PTPRQ: variants seen among roughly 807,000 people sequenced by gnomAD.
PTPRQ encodes protein tyrosine phosphatase receptor type Q, also known as phosphatidylinositol phosphatase PTPRQ.
Under a neutral mutation model 246.0 loss-of-function variants are expected in PTPRQ, and 199 were observed. That is an observed-to-expected ratio of 0.81 (90% CI 0.72 to 0.91). PTPRQ has a LOEUF of 0.91. Among genes scored for constraint, PTPRQ ranks in the 40% least tolerant of loss-of-function variants. The pLI is 0.00. For synonymous variants in PTPRQ, 869 were observed against 853.2 expected (o/e 1.02, Z -0.32); for missense variants, 2,624 against 2,528.4 (o/e 1.04, Z -0.81).
chr12:80,578,221 T>A (rs1159991714), intron 25 of PTPRQ, among the ~76,000 whole-genome samples: 1 of 68,064 alleles, frequency 1.5e-5, no homozygotes. Context: ...CCCTCCCCCC[T>A]CCCCCCACCC....
intron 12 of PTPRQ, 77 bp downstream of exon 12, chr12:80,495,448 C>T: frequency 1.4e-6 from 2 of 1,452,608 alleles, no homozygotes; most frequent in South Asian, 1.6e-5. Flanking sequence ...GCCCATCTCC[C>T]TGTGCCTTAT....
rs748391442 is a variant in PTPRQ at position 80,549,450 on chromosome 12, T to C, written c.4016-15T>C. On this transcript the variant is annotated splice_polypyrimidine_tract_variant and intron_variant, in intron 24 of 44. Coordinates refer to ENST00000644991, the MANE Select transcript of PTPRQ (RefSeq NM_001145026.2). ...TGTATACACTTTAACTTTGGGCATA[T>C]GTTTATCTCTTAAGTTCCAGATGTC... The C allele has an allele frequency of 1.0e-5, 16 of 1,531,664 alleles. No individual in the cohort carries two copies. In the South Asian group the frequency reaches 1.7e-4, roughly 17 times the overall value. 94.9% of individuals were successfully genotyped at this position (1,531,664 alleles called of 1,614,324 possible). A position where few individuals can be genotyped will look rare whatever the true frequency, so the allele number is the denominator to read the frequency against.
At position 80,547,553 on chromosome 12, in the gene PTPRQ, G is replaced by A. The variant is rs180703065; in HGVS notation, c.4015+856G>A. On this transcript the variant is annotated intron_variant, in intron 24 of 44. Coordinates refer to ENST00000644991, the MANE Select transcript of PTPRQ (RefSeq NM_001145026.2). ...TTATGGCTACCTGACACTGTTTTTC[G>A]TGCATTTCTGTAACAAATGCAAAAT... Among the ~76,000 whole-genome samples, 89 of 152,012 alleles carry A rather than the reference G, an allele frequency of 5.9e-4. No homozygotes were observed. The East Asian group carries it at 0.011, about 19-fold the overall frequency.
Position 80,624,896 on chromosome 12 carries a change from C to CA in PTPRQ, c.5686+2770dup, listed in dbSNP as rs989399979. Among the ~76,000 whole-genome samples, 10 of 151,710 alleles carry CA rather than the reference C, an allele frequency of 6.6e-5. No individual in the cohort carries two copies. The East Asian group carries it at 7.8e-4, about 12-fold the overall frequency. Reference sequence around the variant, plus strand: ...TCAACACTAACAATAGCCGATGAACCAAAAAAAATTGTAAAACCATATCCT... The same window carrying CA: ...TCAACACTAACAATAGCCGATGAACCAAAAAAAAATTGTAAAACCATATCCT... On this transcript the variant is annotated intron_variant, in intron 33 of 44. Coordinates refer to ENST00000644991, the MANE Select transcript of PTPRQ (RefSeq NM_001145026.2).
intron 26 of PTPRQ, among the ~76,000 whole-genome samples, chr12:80,601,255 C>G (rs1186925234): frequency 6.6e-6 from 1 of 151,724 alleles, no homozygotes; most frequent in Non-Finnish European, 1.5e-5. Flanking sequence ...ATTTGTCTCT[C>G]TCCATTAAAA....
intron 25 of PTPRQ, among the ~76,000 whole-genome samples, chr12:80,555,259 T>G (rs185050935): frequency 6.6e-6 from 1 of 152,266 alleles, no homozygotes; most frequent in Admixed American, 6.5e-5. Flanking sequence ...ATAGTCTCAC[T>G]ATGTTGCCCA....
At chr12:80,464,922 C>A (rs1321307479) in intron 6 of PTPRQ, among the ~76,000 whole-genome samples, 2 of 18,038 alleles carry the variant, frequency 1.1e-4, no homozygotes, top group Admixed American at 5.6e-4. Flanking sequence ...AAAACTGACA[C>A]CCTAACATCA....
rs1817298739 is a variant in PTPRQ at position 80,466,223 on chromosome 12, G to A, written c.911-2487G>A. ...CTTATACACCAACAACAGACAAACA[G>A]AGAGCCAAATCATGAGTGAACTCCC... is the stretch of plus-strand genomic sequence containing the variant. On this transcript the variant is annotated intron_variant, in intron 6 of 44. Coordinates refer to ENST00000644991, the MANE Select transcript of PTPRQ (RefSeq NM_001145026.2). Among the ~76,000 whole-genome samples, 4 of 152,096 alleles carry A rather than the reference G, an allele frequency of 2.6e-5. No individual in the cohort carries two copies. The South Asian group carries it at 6.2e-4, about 24-fold the overall frequency.
intron 25 of PTPRQ, among the ~76,000 whole-genome samples, chr12:80,572,124 T>G (rs896738031): frequency 6.6e-6 from 1 of 152,126 alleles, no homozygotes; most frequent in African/African-American, 2.4e-5. Context: ...CATCTATACA[T>G]GGGGAGAATT....
intron 25 of PTPRQ, among the ~76,000 whole-genome samples, chr12:80,562,303 G>A (rs1896850708): frequency 6.6e-6 from 1 of 152,098 alleles, no homozygotes; most frequent in African/African-American, 2.4e-5. Flanking sequence ...TACTAGCTGT[G>A]TGAAATGAAT....
intron 25 of PTPRQ, among the ~76,000 whole-genome samples, chr12:80,556,812 A>G (rs1425936055): frequency 1.3e-5 from 2 of 152,118 alleles, no homozygotes; most frequent in African/African-American, 4.8e-5. Flanking sequence ...GCAAGAGAAA[A>G]CACATAGTGG....
At chr12:80,608,253 G>C (rs17006953) in intron 27 of PTPRQ, among the ~76,000 whole-genome samples, 10,168 of 150,564 alleles carry the variant, frequency 0.068, 416 homozygotes, top group East Asian at 0.13. Flanking sequence ...TATAACAATA[G>C]ATTATCAAGT....
At chr12:80,510,803 A>G (rs907558849) in intron 17 of PTPRQ, among the ~76,000 whole-genome samples, 2 of 152,178 alleles carry the variant, frequency 1.3e-5, no homozygotes, top group Non-Finnish European at 2.9e-5. Flanking sequence ...TCCCTTGAGC[A>G]GAGTAATTTT....
intron 3 of PTPRQ, among the ~76,000 whole-genome samples, chr12:80,449,451 A>G (rs571929741): frequency 2.6e-5 from 4 of 152,286 alleles, no homozygotes; most frequent in South Asian, 2.1e-4. Context: ...GTCCTTGCCC[A>G]TGCCTATGTC....
intron 17 of PTPRQ, among the ~76,000 whole-genome samples, chr12:80,510,811 T>A (rs1895104289): frequency 6.6e-6 from 1 of 152,120 alleles, no homozygotes; most frequent in African/African-American, 2.4e-5. Flanking sequence ...GCAGAGTAAT[T>A]TTAATAAACA....
chr12:80,611,873 G>T (rs185240755), intron 28 of PTPRQ, among the ~76,000 whole-genome samples: 1 of 150,422 alleles, frequency 6.6e-6, no homozygotes, highest in Non-Finnish European at 1.5e-5. Context: ...TATCTCTCTT[G>T]AACCAACTTA....
At chr12:80,449,756 C>A (rs999179532) in intron 3 of PTPRQ, among the ~76,000 whole-genome samples, 1 of 152,086 alleles carries the variant, frequency 6.6e-6, no homozygotes, top group Non-Finnish European at 1.5e-5. Flanking sequence ...GGTACCAGTA[C>A]CATGCTGTTT....
At chr12:80,608,492 T>A (rs1302890562) in intron 27 of PTPRQ, among the ~76,000 whole-genome samples, 3 of 149,566 alleles carry the variant, frequency 2.0e-5, no homozygotes, top group African/African-American at 7.3e-5. Context: ...CCATGTCATA[T>A]TTTGCGACTT....
intron 9 of PTPRQ, among the ~76,000 whole-genome samples, chr12:80,489,370 T>C (rs1894375000): frequency 5.1e-5 from 2 of 38,904 alleles, no homozygotes; most frequent in East Asian, 2.5e-4. Context: ...CATCTATCTC[T>C]TTGGGGGGAC....
Sources: allele counts gnomAD v4.1 joint callset (sites outside exome capture counted in the v4.1 genomes callset), GRCh38; gene constraint gnomAD v4.1.1; transcripts MANE v1.5; gene names NCBI Gene and HGNC (gene_info 2026-07-23, HGNC 2026-07-21).